The following ADGRB3 variants were observed in gnomAD, a reference collection of about 807,000 sequenced individuals.
ADGRB3 encodes brain-specific angiogenesis inhibitor 3.
A neutral mutation model predicts 193.4 loss-of-function variants in ADGRB3; 37 were observed. That is an observed-to-expected ratio of 0.19 (90% CI 0.15 to 0.25). ADGRB3 has a LOEUF of 0.25. ADGRB3 is among the 10% of genes least tolerant of loss of function. The pLI is 1.00. For missense variants in ADGRB3, 1,637 were observed against 1,852.9 expected (o/e 0.88, Z 2.14); for synonymous variants, 690 against 644.2 (o/e 1.07, Z -1.08).
rs1214852961 is a variant in ADGRB3, at chr6:68,693,922, C to T, written c.757+54490C>T. ...AACTGGACCATGGCATATCCTGACTCCTTACAAAGAATTTTGGAGTTTCAT... is the reference window on the plus strand; with the variant it reads ...AACTGGACCATGGCATATCCTGACTTCTTACAAAGAATTTTGGAGTTTCAT... On this transcript the variant is annotated intron_variant, in intron 3 of 31. Transcript: ENST00000370598. 2.6e-5 allele frequency among the ~76,000 whole-genome samples: 4 copies of T among 152,078 alleles called. No homozygotes were observed. The Middle Eastern group carries it at 0.01, about 388-fold the overall frequency.
intron 3 of ADGRB3, among the ~76,000 whole-genome samples, chr6:68,785,605 C>T (rs1049408058): frequency 3.3e-5 from 5 of 151,778 alleles, no homozygotes; most frequent in Admixed American, 1.3e-4. Context: ...TGAATAGTGC[C>T]GCTATAAACA....
At chr6:69,127,687 C>G (rs1427448110) in intron 17 of ADGRB3, among the ~76,000 whole-genome samples, 4 of 151,950 alleles carry the variant, frequency 2.6e-5, no homozygotes, top group Non-Finnish European at 5.9e-5. Flanking sequence ...TTTTTTGCAC[C>G]ACAAAAATCC....
At chr6:68,764,963 T>G (rs1158324223) in intron 3 of ADGRB3, among the ~76,000 whole-genome samples, 1 of 152,206 alleles carries the variant, frequency 6.6e-6, no homozygotes, top group East Asian at 1.9e-4. Context: ...ATTTGCCTGC[T>G]AAAATTTTGA....
chr6:68,927,939 A>T (rs560731214), intron 3 of ADGRB3, among the ~76,000 whole-genome samples: 4 of 152,246 alleles, frequency 2.6e-5, no homozygotes, highest in South Asian at 2.1e-4. Context: ...CAAGTTCATA[A>T]ACTATTGAAG....
At chr6:69,368,794 A>G (rs1769642111) in intron 29 of ADGRB3, among the ~76,000 whole-genome samples, 1 of 152,108 alleles carries the variant, frequency 6.6e-6, no homozygotes, top group African/African-American at 2.4e-5. Context: ...TGGACAGAAA[A>G]TTGACCTTGG....
intron 3 of ADGRB3, among the ~76,000 whole-genome samples, chr6:68,862,509 TG>T (rs1184037355): frequency 6.6e-6 from 1 of 152,238 alleles, no homozygotes; most frequent in Non-Finnish European, 1.5e-5. Context: ...ATAGTGATTT[TG>T]TGAAGAAGGT....
At chr6:69,357,166 T>C (rs796077903) in intron 28 of ADGRB3, among the ~76,000 whole-genome samples, 5 of 152,182 alleles carry the variant, frequency 3.3e-5, no homozygotes, top group Admixed American at 6.6e-5. Flanking sequence ...TAAATTATCG[T>C]GCTCAAATAT....
intron 3 of ADGRB3, among the ~76,000 whole-genome samples, chr6:68,755,956 A>G (rs892964789): frequency 1.3e-5 from 2 of 152,148 alleles, no homozygotes; most frequent in African/African-American, 4.8e-5. Context: ...CAAAATAAGC[A>G]TATTTAAGGA....
chr6:69,021,934 T>C (rs571725184), intron 13 of ADGRB3, among the ~76,000 whole-genome samples: 1 of 151,990 alleles, frequency 6.6e-6, no homozygotes, highest in Non-Finnish European at 1.5e-5. Context: ...GATCTTTTTC[T>C]TAAAAGATTT....
At chr6:69,225,763 AACAATAAT>A (rs1483718374) in intron 17 of ADGRB3, among the ~76,000 whole-genome samples, 1 of 152,210 alleles carries the variant, frequency 6.6e-6, no homozygotes, top group Non-Finnish European at 1.5e-5. Flanking sequence ...TAGAGGAAAT[AACAATAAT>A]ATTTACCTTG....
intron 3 of ADGRB3, among the ~76,000 whole-genome samples, chr6:68,756,863 A>G (rs776779860): frequency 1.3e-5 from 2 of 152,184 alleles, no homozygotes; most frequent in Non-Finnish European, 2.9e-5. Flanking sequence ...ATGGACATTT[A>G]ATCACATAAC....
intron 20 of ADGRB3, among the ~76,000 whole-genome samples, chr6:69,241,346 A>G (rs907054486): frequency 6.6e-6 from 1 of 151,972 alleles, no homozygotes; most frequent in African/African-American, 2.4e-5. Flanking sequence ...ATTTTAAGAC[A>G]TAATATAAAA....
At chr6:69,111,829 C>T (rs972600418) in intron 17 of ADGRB3, among the ~76,000 whole-genome samples, 3 of 152,004 alleles carry the variant, frequency 2.0e-5, no homozygotes, top group African/African-American at 4.8e-5. Flanking sequence ...TTAAAAAAAC[C>T]CTTCTATGAA....
intron 20 of ADGRB3, among the ~76,000 whole-genome samples, chr6:69,308,615 G>T (rs1230450415): frequency 6.6e-6 from 1 of 151,562 alleles, no homozygotes; most frequent in Non-Finnish European, 1.5e-5. Context: ...GTTAGTTGTA[G>T]GAAAATGCGA....
At chr6:69,235,528 T>C (rs75104535) in intron 19 of ADGRB3, among the ~76,000 whole-genome samples, 4,424 of 152,144 alleles carry the variant, frequency 0.029, 99 homozygotes, top group South Asian at 0.044. Flanking sequence ...TATAAAAATA[T>C]GATCTCAAGT....
At chr6:68,850,598 T>C (rs533340004) in intron 3 of ADGRB3, among the ~76,000 whole-genome samples, 3 of 152,032 alleles carry the variant, frequency 2.0e-5, no homozygotes, top group Non-Finnish European at 2.9e-5. Flanking sequence ...ATGTTCAGAT[T>C]AAGTTACTTA....
chr6:69,039,268 T>C (rs1457711175), intron 13 of ADGRB3, among the ~76,000 whole-genome samples: 2 of 151,078 alleles, frequency 1.3e-5, no homozygotes, highest in African/African-American at 4.9e-5. Context: ...AAAAAAAACA[T>C]ATGTTTAGTT....
intron 17 of ADGRB3, among the ~76,000 whole-genome samples, chr6:69,137,048 TTTTC>T (rs1336793414): frequency 7.7e-5 from 9 of 116,848 alleles, no homozygotes; most frequent in African/African-American, 2.7e-4. Context: ...GTTTCTTTTC[TTTTC>T]TTTCTTTTTT....
At chr6:68,938,110 G>A (rs1767530640) in intron 5 of ADGRB3, among the ~76,000 whole-genome samples, 1 of 152,022 alleles carries the variant, frequency 6.6e-6, no homozygotes, top group Non-Finnish European at 1.5e-5. Context: ...TATGAGGAAA[G>A]AAAGGCAGAA....
Sources: allele counts gnomAD v4.1 joint callset (sites outside exome capture counted in the v4.1 genomes callset), GRCh38; gene constraint gnomAD v4.1.1; transcripts MANE v1.5; gene names NCBI Gene and HGNC (gene_info 2026-07-23, HGNC 2026-07-21).